Variants in PCLO observed in about 807,000 individuals in gnomAD.
The protein encoded by PCLO is piccolo presynaptic cytomatrix protein.
In PCLO, 82 loss-of-function variants were observed where a neutral mutation model predicts 427.5. That is an observed-to-expected ratio of 0.19 (90% CI 0.16 to 0.23). The LOEUF (loss-of-function observed/expected upper bound fraction) is 0.23, where lower values mean the gene tolerates loss of function less well. Among genes scored for constraint, PCLO ranks in the 10% least tolerant of loss-of-function variants. The probability of loss-of-function intolerance (pLI) is 1.00; values close to 1 mark genes in which losing one functional copy is unlikely to be tolerated. For synonymous variants in PCLO, 2,357 were observed against 2,155.4 expected, an observed-to-expected ratio of 1.09 and a Z score of -2.59; for missense variants, 6,239 against 6,115.9, an observed-to-expected ratio of 1.02 and a Z score of -0.67.
intron 3 of PCLO, among the ~76,000 whole-genome samples, chr7:82,996,606 C>T (rs1787620911): frequency 6.6e-6 from 1 of 151,978 alleles, no homozygotes; most frequent in Non-Finnish European, 1.5e-5. Context: ...ATTTGTAAGC[C>T]CTGCCATACA....
chr7:82,843,878 GTGGTCTCGAACTCC>G (rs1475228845), intron 13 of PCLO, among the ~76,000 whole-genome samples: 4 of 151,726 alleles, frequency 2.6e-5, no homozygotes, highest in Non-Finnish European at 5.9e-5. Context: ...GTTGGTTAGG[GTGGTCTCGAACTCC>G]TGGTCTCAAG....
chr7:82,937,781 C>A (rs1794991754), intron 6 of PCLO, among the ~76,000 whole-genome samples: 1 of 151,792 alleles, frequency 6.6e-6, no homozygotes, highest in Non-Finnish European at 1.5e-5. Context: ...ACTTTACTTT[C>A]ATGTTTCATT....
At chr7:83,030,699 A>C (rs2116141157) in intron 3 of PCLO, among the ~76,000 whole-genome samples, 1 of 152,302 alleles carries the variant, frequency 6.6e-6, no homozygotes, top group East Asian at 1.9e-4. Flanking sequence ...TGATGAATAA[A>C]ATATAAAAAT....
intron 3 of PCLO, among the ~76,000 whole-genome samples, chr7:83,057,616 C>T (rs980394669): frequency 8.6e-5 from 13 of 151,174 alleles, no homozygotes; most frequent in Non-Finnish European, 1.9e-4. Context: ...CCGCCTCGGC[C>T]TCCCAAAGTG....
In PCLO at chr7:82,887,999, G is replaced by A. The variant is rs1251952775; in HGVS notation, c.13529-8537C>T. 5.9e-5 allele frequency among the ~76,000 whole-genome samples: 9 copies of A among 151,970 alleles called. No homozygotes were observed. The South Asian group carries it at 6.2e-4, about 11-fold the overall frequency. On this transcript the variant is annotated intron_variant, in intron 9 of 24. Coordinates refer to ENST00000333891, the MANE Select transcript of PCLO (RefSeq NM_033026.6). Reference sequence around the variant, plus strand: ...GCAGGAGAATCACTTGAACCTGGGTGGCAGAGGTTGCAGTCAGCTGAGATT... The same window carrying A: ...GCAGGAGAATCACTTGAACCTGGGTAGCAGAGGTTGCAGTCAGCTGAGATT...
rs768606625 is a variant in PCLO at position 83,135,581 on chromosome 7, G to A, written c.1969C>T (p.Pro657Ser). 1.9e-6 allele frequency: 3 copies of A among 1,613,286 alleles called. No homozygotes were observed. The highest frequency in any genetic ancestry group is 2.7e-5 in the African/African-American group (2 of 74,780). The change falls in exon 3 of 25, where the codon CCC becomes TCC. Residue 657 changes from proline (P) to serine (S), a missense_variant. Pro to Ser is a moderately conservative substitution (Grantham distance 74, BLOSUM62 -1). Transcript: ENST00000333891. ...GGDLAPVPSS[P>S]QPKLKTAPVT... ...GGTGCAGTCTTCAGTTTGGGCTGGG[G>A]TGATGACGGAACTGGAGCCAGATCC...
intron 22 of PCLO, among the ~76,000 whole-genome samples, chr7:82,794,357 CTTAA>C (rs1205789860): frequency 8.8e-5 from 13 of 148,422 alleles, no homozygotes; most frequent in South Asian, 2.2e-4. Flanking sequence ...AGGTTAATCA[CTTAA>C]TTGTTTTTTA....
At chr7:82,851,221 T>C (rs2115845523) in intron 10 of PCLO, among the ~76,000 whole-genome samples, 1 of 151,778 alleles carries the variant, frequency 6.6e-6, no homozygotes, top group Middle Eastern at 3.4e-3. Context: ...GGGTATGTAT[T>C]TGTGAGGAGG....
chr7:82,795,387 G>A (rs1562789847), intron 22 of PCLO, among the ~76,000 whole-genome samples: 1 of 151,966 alleles, frequency 6.6e-6, no homozygotes, highest in South Asian at 2.1e-4. Context: ...TTTTAATTTT[G>A]GCAAGCTACA....
At chr7:82,792,829 T>A (rs1791134122) in intron 22 of PCLO, among the ~76,000 whole-genome samples, 1 of 152,156 alleles carries the variant, frequency 6.6e-6, no homozygotes, top group Non-Finnish European at 1.5e-5. Context: ...ATGGGCTTTT[T>A]AAATTTTGGT....
In PCLO at chr7:82,915,730, G is replaced by C. The variant is rs144049676; in HGVS notation, c.12256C>G (p.Arg4086Gly). 1.2e-6 allele frequency: 2 copies of C among 1,611,972 alleles called. No individual in the cohort carries two copies. Among genetic ancestry groups the C allele is most frequent in the Non-Finnish European group, 1.7e-6 (2 of 1,178,840 alleles). Residue 4086 changes from arginine (R) to glycine (G), a missense_variant, in exon 7 of 25, where the codon CGC (arginine) becomes GGC (glycine). This residue lies in a region of PCLO where 680 missense variants were observed against 677.3 expected (regional missense o/e 1.00). Coordinates refer to ENST00000333891, the MANE Select transcript of PCLO (RefSeq NM_033026.6). ...TDRLLRTTET[R>G]RSQEVTDFLA... is the part of the protein sequence containing the mutation. ...AAATCTGTCACTTCTTGAGACCGGC[G>C]TGTCTCAGTGGTTCGAAGGAGACGG...
chr7:82,871,147 T>C (rs911090284), intron 10 of PCLO, among the ~76,000 whole-genome samples: 1 of 151,986 alleles, frequency 6.6e-6, no homozygotes, highest in African/African-American at 2.4e-5. Context: ...ATAGAAGAGA[T>C]ACCTGCACTC....
At chr7:82,899,768 A>G (rs1793996427) in intron 9 of PCLO, among the ~76,000 whole-genome samples, 1 of 151,582 alleles carries the variant, frequency 6.6e-6, no homozygotes, top group Non-Finnish European at 1.5e-5. Context: ...CTATGTTTTA[A>G]AACTTGTTTC....
chr7:82,811,807 C>A (rs1791577557), intron 20 of PCLO, among the ~76,000 whole-genome samples: 1 of 151,452 alleles, frequency 6.6e-6, no homozygotes, highest in Non-Finnish European at 1.5e-5. Context: ...GGTGTTGAAA[C>A]TCTGATATCT....
chr7:82,806,263 C>T (rs1562794606), intron 20 of PCLO, among the ~76,000 whole-genome samples: 1 of 152,040 alleles, frequency 6.6e-6, no homozygotes, highest in Admixed American at 6.6e-5. Context: ...TTTCCTATTA[C>T]TAGACTATAA....
chr7:82,796,791 G>A (rs373480467), intron 22 of PCLO, among the ~76,000 whole-genome samples: 177 of 147,644 alleles, frequency 1.2e-3, no homozygotes, highest in African/African-American at 4.2e-3. Flanking sequence ...CTTACTGGCT[G>A]CTGATGAAAT....
Position 82,816,816 on chromosome 7 carries a change from G to A in PCLO, c.14791+5679C>T, listed in dbSNP as rs377457585. ...CCAGACCAAAGTATGCAGATGGCTC[G>A]GTGCAGATCCATGGCTACTACTGGA... On this transcript the variant is annotated intron_variant, in intron 20 of 24. Coordinates refer to ENST00000333891, the MANE Select transcript of PCLO (RefSeq NM_033026.6). 5.9e-5 allele frequency among the ~76,000 whole-genome samples: 9 copies of A among 152,102 alleles called. No homozygotes were observed. The South Asian group carries it at 1.0e-3, about 18-fold the overall frequency.
rs900136843 is a variant in PCLO at position 82,871,510 on chromosome 7, G to T, written c.13654+7827C>A. On this transcript the variant is annotated intron_variant, in intron 10 of 24. Coordinates refer to ENST00000333891, the MANE Select transcript of PCLO (RefSeq NM_033026.6). The stretch of plus-strand genomic sequence containing the variant: ...GTTTAATGAGACAAATGTACAGTTA[G>T]ATAGGAATAACTTCTAGAGTTTGAT... Among the ~76,000 whole-genome samples the T allele has an allele frequency of 3.3e-5, 5 of 151,948 alleles. No homozygotes were observed. In the South Asian group the frequency reaches 1.0e-3, roughly 32 times the overall value.
chr7:82,781,439 C>T (rs752233962), intron 22 of PCLO, among the ~76,000 whole-genome samples: 3 of 151,508 alleles, frequency 2.0e-5, no homozygotes, highest in Non-Finnish European at 2.9e-5. Context: ...CTTTAAGTTG[C>T]CTCCCTTTGC....
Sources: gnomAD v4.1 joint callset for allele counts (sites outside exome capture counted in the v4.1 genomes callset) on GRCh38, gnomAD v4.1.1 for gene constraint, gnomAD v4.1.1 regional missense constraint, MANE v1.5 for transcripts, NCBI Gene and HGNC (gene_info 2026-07-23, HGNC 2026-07-21) for gene names.